Variants in FBN1 observed in about 807,000 individuals in gnomAD.
FBN1 encodes fibrillin-1.
Under a neutral mutation model 365.1 loss-of-function variants are expected in FBN1, and 29 were observed. That is an observed-to-expected ratio of 0.08 (90% CI 0.06 to 0.11). The LOEUF is 0.11. FBN1 is among the 10% of genes least tolerant of loss of function. The pLI is 1.00. For missense variants in FBN1, 2,476 were observed against 3,703.2 expected (o/e 0.67, Z 8.60); for synonymous variants, 1,210 against 1,270.5 (o/e 0.95, Z 1.01).
intron 2 of FBN1, among the ~76,000 whole-genome samples, chr15:48,633,321 C>G (rs1394428909): frequency 2.0e-5 from 3 of 152,114 alleles, no homozygotes; most frequent in Non-Finnish European, 2.9e-5. Flanking sequence ...TACATAAACT[C>G]TTAATGTATA....
In FBN1 at chr15:48,415,547, G is replaced by A. The variant is rs1266550976; in HGVS notation, c.8040C>T (p.Arg2680=). 5 of 1,613,138 alleles carry A rather than the reference G, an allele frequency of 3.1e-6. No homozygotes were observed. The highest frequency in any genetic ancestry group is 3.3e-5 in the Admixed American group (2 of 60,022). ...YLCGCPPGYF[R]IGQGHCVSGM... ...AGAGCACTGCTTACCCTTGGCCTAT[G>A]CGGAAGTAACCAGGTGGACAGCCAC... The change falls in exon 64 of 66, where the codon CGC becomes CGT. Residue 2680 remains arginine, a synonymous_variant. Transcript: ENST00000316623.
In FBN1 at chr15:48,433,096, T is replaced by G. The variant is rs1374207618; in HGVS notation, c.6617-108A>C. On this transcript the variant is annotated intron_variant, in intron 54 of 65. Transcript: ENST00000316623. ...TTTACCAAAAGTTGCAATGCTTCATTGTCATAAACATGGATGGATCAAGTG... is the reference window on the plus strand; with the variant it reads ...TTTACCAAAAGTTGCAATGCTTCATGGTCATAAACATGGATGGATCAAGTG... 5 of 1,178,220 alleles carry G rather than the reference T, an allele frequency of 4.2e-6. No homozygotes were observed. The African/African-American group carries it at 6.0e-5, about 14-fold the overall frequency. The allele number at this position is 1,178,220 out of a possible 1,614,324, so 73.0% of individuals were successfully genotyped here. A position where few individuals can be genotyped will look rare whatever the true frequency, so the allele number is the denominator to read the frequency against.
chr15:48,521,941 G>A (rs934281047), intron 9 of FBN1, among the ~76,000 whole-genome samples: 8 of 152,212 alleles, frequency 5.3e-5, no homozygotes, highest in Non-Finnish European at 7.3e-5. Flanking sequence ...GGGGGTGAGC[G>A]GCAGGTGAAT....
intron 2 of FBN1, among the ~76,000 whole-genome samples, chr15:48,634,860 CACACACACACA>C (rs1890064557): frequency 2.4e-5 from 1 of 41,494 alleles, no homozygotes; most frequent in African/African-American, 1.8e-4. Context: ...AAAAAAACCA[CACACACACACA>C]CACACACACA....
At chr15:48,468,260 T>C (rs1480442390) in intron 37 of FBN1, 152 bp downstream of exon 37, 1 of 1,323,890 alleles carries the variant, frequency 7.6e-7, no homozygotes, top group Non-Finnish European at 1.1e-6. Context: ...GAATTTTCCC[T>C]ATGGAAAAGA....
chr15:48,445,921 C>T (rs1036278046), intron 47 of FBN1, among the ~76,000 whole-genome samples: 1 of 151,974 alleles, frequency 6.6e-6, no homozygotes, highest in Admixed American at 6.6e-5. Flanking sequence ...AAGAATTTGG[C>T]TTATTACTCT....
intron 2 of FBN1, chr15:48,642,666 C>CGT (rs1555407285): frequency 1.3e-5 from 2 of 149,706 alleles, no homozygotes; most frequent in South Asian, 2.1e-4. Context: ...TTTTCACCCC[C>CGT]GTGTATGTGT....
chr15:48,564,740 G>A (rs1566928051), intron 6 of FBN1, among the ~76,000 whole-genome samples: 3 of 152,128 alleles, frequency 2.0e-5, no homozygotes, highest in Non-Finnish European at 1.5e-5. Flanking sequence ...GGCTTGGAAG[G>A]AATTAAGTTA....
intron 6 of FBN1, among the ~76,000 whole-genome samples, chr15:48,585,656 G>A (rs2044430034): frequency 6.6e-6 from 1 of 152,190 alleles, no homozygotes; most frequent in Admixed American, 6.5e-5. Context: ...GCTTGGTAGT[G>A]AAATAGGAAG....
chr15:48,530,133 C>A (rs1016975559), intron 8 of FBN1, among the ~76,000 whole-genome samples: 1 of 132,550 alleles, frequency 7.5e-6, no homozygotes, highest in Admixed American at 7.7e-5. Flanking sequence ...TCCGCCGCAT[C>A]ACAACTTGAA....
At chr15:48,429,766 C>T (rs974667576) in intron 56 of FBN1, among the ~76,000 whole-genome samples, 2 of 152,164 alleles carry the variant, frequency 1.3e-5, no homozygotes, top group Non-Finnish European at 2.9e-5. Context: ...TTCTTTAATT[C>T]CTGCTTCAAT....
At chr15:48,465,452 G>A (rs1043941894) in intron 40 of FBN1, 116 bp downstream of exon 40, 30 of 1,193,742 alleles carry the variant, frequency 2.5e-5, no homozygotes, top group South Asian at 5.1e-5. Context: ...GGCTATGTTC[G>A]TGTTTAGAAC....
chr15:48,584,662 C>T (rs2044422092), intron 6 of FBN1, among the ~76,000 whole-genome samples: 1 of 152,080 alleles, frequency 6.6e-6, no homozygotes, highest in Non-Finnish European at 1.5e-5. Context: ...ATGTGGAGAA[C>T]ACTGTAGAAA....
At chr15:48,421,884 G>A in intron 61 of FBN1, 68 bp downstream of exon 61, 1 of 1,354,072 alleles carries the variant, frequency 7.4e-7, no homozygotes, top group Non-Finnish European at 1.1e-6. Context: ...CAACAGCAGA[G>A]GAAATAGAAA....
In FBN1 at chr15:48,462,968, C is replaced by T. The variant is rs745407105; in HGVS notation, c.5224+114G>A. 76 of 1,018,326 alleles carry T rather than the reference C, an allele frequency of 7.5e-5. 1 individual carries two copies. Among genetic ancestry groups the T allele is most frequent in the Non-Finnish European group, 1.1e-4 (75 of 662,400 alleles). The allele number at this position is 1,018,326 out of a possible 1,614,324, so 63.1% of individuals were successfully genotyped here. A position where few individuals can be genotyped will look rare whatever the true frequency, so the allele number is the denominator to read the frequency against. ...AATTTAAATCATGAGCCGTTTTTTT[C>T]CCTGTAAAGATAAACAATGCACACT... On this transcript the variant is annotated intron_variant, in intron 42 of 65. Transcript: ENST00000316623.
At chr15:48,429,465 T>C (rs886152418) in intron 56 of FBN1, among the ~76,000 whole-genome samples, 2 of 152,220 alleles carry the variant, frequency 1.3e-5, no homozygotes, top group African/African-American at 4.8e-5. Context: ...AAAAATAATT[T>C]GCTGAGGTGC....
At chr15:48,558,193 C>T (rs978238002) in intron 6 of FBN1, among the ~76,000 whole-genome samples, 1 of 152,192 alleles carries the variant, frequency 6.6e-6, no homozygotes, top group African/African-American at 2.4e-5. Context: ...TCTGCACACA[C>T]CTTTGTTTCC....
intron 6 of FBN1, among the ~76,000 whole-genome samples, chr15:48,545,942 T>C (rs929000372): frequency 2.0e-5 from 3 of 151,994 alleles, no homozygotes; most frequent in Admixed American, 6.6e-5. Flanking sequence ...TGAGGATCGC[T>C]TGCCGTAGTG....
chr15:48,416,516 G>A (rs977783002), intron 63 of FBN1: 2 of 154,598 alleles, frequency 1.3e-5, no homozygotes, highest in African/African-American at 4.8e-5. Flanking sequence ...GTGGCTGGAA[G>A]AGATTTGGTG....
Sources: gnomAD v4.1 joint callset for allele counts (sites outside exome capture counted in the v4.1 genomes callset) on GRCh38, gnomAD v4.1.1 for gene constraint, MANE v1.5 for transcripts, NCBI Gene and HGNC (gene_info 2026-07-23, HGNC 2026-07-21) for gene names.